Variants in ZNF140 observed in about 807,000 individuals in gnomAD.
ZNF140 encodes zinc finger protein 140.
A neutral mutation model predicts 12.9 loss-of-function variants in ZNF140; 13 were observed. The ratio of observed to expected loss-of-function variants is 1.01; its 90% CI spans 0.66 to 1.60. The LOEUF (loss-of-function observed/expected upper bound fraction) is 1.60. Ranked by LOEUF, ZNF140 falls within the 40% of genes most tolerant of loss-of-function variation. The pLI, the probability that ZNF140 is intolerant of heterozygous loss-of-function variation, is 0.00. For missense variants in ZNF140, 531 were observed against 548.8 expected (o/e 0.97, Z 0.32); for synonymous variants, 214 against 186.7 (o/e 1.15, Z -1.19).
intron 4 of ZNF140, among the ~76,000 whole-genome samples, chr12:133,096,061 G>A (rs1272623072): frequency 6.6e-6 from 1 of 151,288 alleles, no homozygotes; most frequent in African/African-American, 2.4e-5. Flanking sequence ...GTGTCGGGCT[G>A]GGGGATGGTC....
chr12:133,081,297 TCTC>T lies in ZNF140; in HGVS notation c.-18_-16del, dbSNP rs1566299047. The T allele has an allele frequency of 4.6e-6, 7 of 1,537,010 alleles. No individual in the cohort carries two copies. The highest frequency in any genetic ancestry group is 2.8e-5 in the African/African-American group (2 of 71,972). On this transcript the variant is annotated 5_prime_UTR_variant, in exon 2 of 5. Transcript: ENST00000355557. ...GGTCTGCCATTTTACACTTTTCTGA[TCTC>T]CTCCTTCCCTTCTGTGAGCTATGTC...
At chr12:133,094,226 T>C (rs1308611999) in intron 4 of ZNF140, among the ~76,000 whole-genome samples, 2 of 134,540 alleles carry the variant, frequency 1.5e-5, no homozygotes, top group Non-Finnish European at 1.6e-5. Flanking sequence ...GTTGAAGAAC[T>C]TGAGCTACAA....
At chr12:133,088,644 GTAAGAATA>G (rs1954760897) in intron 4 of ZNF140, among the ~76,000 whole-genome samples, 1 of 152,192 alleles carries the variant, frequency 6.6e-6, no homozygotes, top group Non-Finnish European at 1.5e-5. Context: ...GGGTCATATG[GTAAGAATA>G]TATTTAGTTT....
At position 133,081,363 on chromosome 12, in the gene ZNF140, ATATATAT is replaced by A. The variant is rs1427008682; in HGVS notation, c.9+35_9+41del. 6.0e-3 allele frequency: 1,596 copies of A among 268,166 alleles called. 182 individuals are homozygous for A. The highest frequency in any genetic ancestry group is 8.8e-3 in the Non-Finnish European group (1,406 of 160,518). The allele number at this position is 268,166 out of a possible 1,614,324, so 16.6% of individuals were successfully genotyped here. A position where few individuals can be genotyped will look rare whatever the true frequency, so the allele number is the denominator to read the frequency against. On this transcript the variant is annotated intron_variant, in intron 2 of 4. Transcript: ENST00000355557. ...ATGATTGATAAATATATATATATAT[ATATATAT>A]AAATTTTTATTTTTTTTTTAAGAGA...
In ZNF140 at chr12:133,104,499, A is replaced by C. The variant is rs1018459434; in HGVS notation, c.233-1011A>C. Reference sequence around the variant, plus strand: ...CCTGAGTACCTGGGACTACAGGTGCATGCCATCACGCCTGGCTAATTTTTT... The same window carrying C: ...CCTGAGTACCTGGGACTACAGGTGCCTGCCATCACGCCTGGCTAATTTTTT... On this transcript the variant is annotated intron_variant, in intron 4 of 4. Coordinates refer to ENST00000355557, the MANE Select transcript of ZNF140 (RefSeq NM_003440.4). 2.1e-3 allele frequency among the ~76,000 whole-genome samples: 323 copies of C among 151,760 alleles called. 2 individuals carry two copies. The highest frequency in any genetic ancestry group is 6.8e-3 in the Middle Eastern group (2 of 294).
chr12:133,102,193 AGTTT>A (rs1209796007), intron 4 of ZNF140, among the ~76,000 whole-genome samples: 4 of 152,224 alleles, frequency 2.6e-5, no homozygotes, highest in Non-Finnish European at 5.9e-5. Flanking sequence ...GCTGGAGTTT[AGTTT>A]GTTCAACTTT....
intron 4 of ZNF140, among the ~76,000 whole-genome samples, chr12:133,099,016 C>T (rs909849318): frequency 1.1e-4 from 17 of 152,038 alleles, no homozygotes; most frequent in Non-Finnish European, 1.6e-4. Flanking sequence ...GCTGGGACTA[C>T]AGGCGCGAGC....
intron 4 of ZNF140, chr12:133,084,110 C>T: frequency 2.4e-6 from 1 of 416,864 alleles, no homozygotes; most frequent in Middle Eastern, 3.5e-4. Context: ...TTTTCTTTCT[C>T]ACAGGTGTCT....
chr12:133,088,180 G>A (rs2137502607), intron 4 of ZNF140, among the ~76,000 whole-genome samples: 1 of 151,696 alleles, frequency 6.6e-6, no homozygotes, highest in Non-Finnish European at 1.5e-5. Context: ...AAGGAAGGAA[G>A]GCTCTAAATC....
chr12:133,087,591 A>G (rs1954716738), intron 4 of ZNF140, among the ~76,000 whole-genome samples: 1 of 151,838 alleles, frequency 6.6e-6, no homozygotes, highest in Non-Finnish European at 1.5e-5. Flanking sequence ...AATGACTTAT[A>G]AACTCCACTG....
upstream of ZNF140, chr12:133,080,480 T>C (rs60123248): frequency 0.43 from 64,743 of 152,302 alleles, 14,115 homozygotes; most frequent in Non-Finnish European, 0.47. Context: ...TGGCCTGAGT[T>C]CCACGTTCTT....
chr12:133,088,011 T>C (rs1954730559), intron 4 of ZNF140, among the ~76,000 whole-genome samples: 1 of 151,708 alleles, frequency 6.6e-6, no homozygotes, highest in Non-Finnish European at 1.5e-5. Context: ...GCGCCTGTAA[T>C]CCCAGCTACT....
At chr12:133,087,741 TTTC>T (rs1183130226) in intron 4 of ZNF140, among the ~76,000 whole-genome samples, 1 of 152,216 alleles carries the variant, frequency 6.6e-6, no homozygotes, top group East Asian at 1.9e-4. Flanking sequence ...ATACCTGTTA[TTTC>T]TTCTTAAGCA....
chr12:133,093,354 C>T (rs1593769420), intron 4 of ZNF140: 3 of 677,834 alleles, frequency 4.4e-6, no homozygotes, highest in African/African-American at 1.8e-5. Context: ...ACCGTTGATA[C>T]AATCATTAAA....
chr12:133,085,651 G>A (rs1159794604), intron 4 of ZNF140, among the ~76,000 whole-genome samples: 5 of 152,210 alleles, frequency 3.3e-5, no homozygotes, highest in Admixed American at 3.3e-4. Flanking sequence ...TATAGTTGAG[G>A]TTCATGTGTT....
intron 4 of ZNF140, among the ~76,000 whole-genome samples, chr12:133,101,665 G>T (rs987528751): frequency 1.3e-5 from 2 of 152,236 alleles, no homozygotes. Flanking sequence ...GGATGGTCTT[G>T]ATCTCCTGAC....
Position 133,106,401 on chromosome 12 carries a change from A to G in ZNF140, c.1124A>G (p.His375Arg). The change falls in exon 5 of 5, where the codon CAT (histidine) becomes CGT (arginine). Residue 375 changes from histidine to arginine, a missense_variant. His to Arg is a conservative substitution (Grantham distance 29). Transcript: ENST00000355557. Reference protein sequence around the residue: ...VFTWHASLIQHTKSHTGEKPY... With the variant: ...VFTWHASLIQRTKSHTGEKPY... ...ACTTGGCATGCATCCCTTATTCAAC[A>G]TACGAAGAGTCACACTGGAGAGAAA... The G allele has an allele frequency of 6.2e-7, 1 of 1,614,214 alleles. No individual in the cohort carries two copies. The highest frequency in any genetic ancestry group is 8.5e-7 in the Non-Finnish European group (1 of 1,180,020).
chr12:133,098,089 C>T (rs1566316493), intron 4 of ZNF140, among the ~76,000 whole-genome samples: 1 of 152,082 alleles, frequency 6.6e-6, no homozygotes, highest in Non-Finnish European at 1.5e-5. Context: ...CCACCTCGAC[C>T]TCCCAAAGTG....
At chr12:133,090,844 G>A (rs1177544833) in intron 4 of ZNF140, among the ~76,000 whole-genome samples, 1 of 129,228 alleles carries the variant, frequency 7.7e-6, no homozygotes, top group Admixed American at 7.9e-5. Flanking sequence ...AAGGTACTAT[G>A]CCTAGATGTG....
Sources: gnomAD v4.1 joint callset for allele counts (sites outside exome capture counted in the v4.1 genomes callset) on GRCh38, gnomAD v4.1.1 for gene constraint, MANE v1.5 for transcripts, NCBI Gene and HGNC (gene_info 2026-07-23, HGNC 2026-07-21) for gene names.